GALNT13: variants seen among roughly 807,000 people sequenced by gnomAD.
The protein encoded by GALNT13 is polypeptide N-acetylgalactosaminyltransferase 13.
Under a neutral mutation model 64.2 loss-of-function variants are expected in GALNT13, and 28 were observed. The observed-to-expected ratio is 0.44, with a 90% CI of 0.32 to 0.60. The LOEUF is 0.60. Among genes scored for constraint, GALNT13 ranks in the 20% least tolerant of loss-of-function variants. The probability of loss-of-function intolerance (pLI) is 0.05; values close to 1 mark genes in which losing one functional copy is unlikely to be tolerated. For missense variants in GALNT13, 577 were observed against 669.8 expected (o/e 0.86, Z 1.53); for synonymous variants, 214 against 224.6 (o/e 0.95, Z 0.42).
chr2:154,388,241 C>A (rs147179829), intron 9 of GALNT13, among the ~76,000 whole-genome samples: 1 of 152,144 alleles, frequency 6.6e-6, no homozygotes, highest in Non-Finnish European at 1.5e-5. Context: ...TGTTCACGAC[C>A]TTTGCCCATT....
intron 4 of GALNT13, among the ~76,000 whole-genome samples, chr2:154,164,108 T>G (rs1451170703): frequency 6.6e-6 from 1 of 152,104 alleles, no homozygotes; most frequent in Non-Finnish European, 1.5e-5. Context: ...AACATTTTAG[T>G]AGGCATCAAT....
chr2:153,376,999 C>G, the GALNT13 span, among the ~76,000 whole-genome samples: 1 of 152,062 alleles, frequency 6.6e-6, no homozygotes, highest in African/African-American at 2.4e-5. Flanking sequence ...TATTAAATTT[C>G]CAGTCCATAG....
chr2:154,194,745 A>T (rs546725614), intron 4 of GALNT13, among the ~76,000 whole-genome samples: 166 of 152,240 alleles, frequency 1.1e-3, no homozygotes, highest in Middle Eastern at 0.01. Flanking sequence ...GAACTAATTA[A>T]TATCATCATT....
At chr2:153,892,982 A>G (rs1031444709) in intron 1 of GALNT13, among the ~76,000 whole-genome samples, 5 of 152,060 alleles carry the variant, frequency 3.3e-5, no homozygotes, top group African/African-American at 1.2e-4. Flanking sequence ...TTTTTCCCTC[A>G]CAAGATATGA....
At chr2:154,031,681 A>G (rs925731539) in intron 3 of GALNT13, among the ~76,000 whole-genome samples, 12 of 151,978 alleles carry the variant, frequency 7.9e-5, no homozygotes, top group Admixed American at 5.9e-4. Flanking sequence ...CAAAGAAATC[A>G]ATTTTCCAAG....
chr2:153,114,681 G>A, the GALNT13 span, among the ~76,000 whole-genome samples: 6 of 151,988 alleles, frequency 3.9e-5, no homozygotes, highest in Admixed American at 1.3e-4. Flanking sequence ...CCTACCTGGC[G>A]GTGGAAAGAT....
chr2:153,742,063 A>G, the GALNT13 span, among the ~76,000 whole-genome samples: 1 of 152,050 alleles, frequency 6.6e-6, no homozygotes, highest in Non-Finnish European at 1.5e-5. Context: ...TGTGCAATGG[A>G]TTTTAAAAAA....
At chr2:153,872,629 G>GAA (rs1226886344) in intron 1 of GALNT13, among the ~76,000 whole-genome samples, 1 of 65,384 alleles carries the variant, frequency 1.5e-5, no homozygotes. Context: ...CGGGGGGGGG[G>GAA]GGGGGAGCGG....
At position 154,262,647 on chromosome 2, in the gene GALNT13, A is replaced by G. The variant is rs115571907; in HGVS notation, c.975+3509A>G. 5.3e-3 allele frequency among the ~76,000 whole-genome samples: 801 copies of G among 152,322 alleles called. 7 individuals are homozygous for G. Among genetic ancestry groups the G allele is most frequent in the Middle Eastern group, 0.024 (7 of 294 alleles). On this transcript the variant is annotated intron_variant, in intron 8 of 12. Transcript: ENST00000392825. ...AGACAGTGTTATGTATCTGCTGGGG[A>G]TACAGTAATGAACAGAACAGACAAA...
the GALNT13 span, among the ~76,000 whole-genome samples, chr2:153,641,948 A>G: frequency 1.3e-5 from 2 of 151,996 alleles, no homozygotes; most frequent in Non-Finnish European, 2.9e-5. Flanking sequence ...AAATTATTCT[A>G]TTTAATAACA....
chr2:153,734,318 G>C, the GALNT13 span, among the ~76,000 whole-genome samples: 3 of 152,064 alleles, frequency 2.0e-5, no homozygotes, highest in East Asian at 5.8e-4. Context: ...GTATTTACTA[G>C]GTAAATCATA....
At chr2:153,567,452 G>A in the GALNT13 span, among the ~76,000 whole-genome samples, 1 of 152,218 alleles carries the variant, frequency 6.6e-6, no homozygotes, top group Non-Finnish European at 1.5e-5. Context: ...ACAAAGGCCT[G>A]GTGAGGAGTG....
At chr2:154,015,513 T>A (rs571454977) in intron 3 of GALNT13, among the ~76,000 whole-genome samples, 191 of 152,316 alleles carry the variant, frequency 1.3e-3, no homozygotes, top group African/African-American at 4.5e-3. Context: ...CAGGAGTCTC[T>A]CTGTGGCTTT....
the GALNT13 span, among the ~76,000 whole-genome samples, chr2:153,605,698 T>C: frequency 1.3e-5 from 2 of 152,162 alleles, no homozygotes; most frequent in Admixed American, 6.6e-5. Context: ...TCTACTGCTG[T>C]ATAAAAATAA....
chr2:153,275,846 AG>A, the GALNT13 span, among the ~76,000 whole-genome samples: 1 of 152,192 alleles, frequency 6.6e-6, no homozygotes, highest in Non-Finnish European at 1.5e-5. Flanking sequence ...AGAAAAAAAA[AG>A]TTGATTGATC....
chr2:154,014,577 G>T (rs1324198524), intron 3 of GALNT13, among the ~76,000 whole-genome samples: 8 of 136,796 alleles, frequency 5.8e-5, no homozygotes, highest in Admixed American at 1.5e-4. Flanking sequence ...TCTTTCCTCT[G>T]TTTTTTTTTG....
the GALNT13 span, among the ~76,000 whole-genome samples, chr2:153,496,394 G>A: frequency 6.6e-6 from 1 of 152,042 alleles, no homozygotes; most frequent in South Asian, 2.1e-4. Context: ...CTTTTTGTTT[G>A]TTTCAGCTAA....
the GALNT13 span, among the ~76,000 whole-genome samples, chr2:153,730,886 G>T: frequency 2.0e-5 from 3 of 151,772 alleles, no homozygotes; most frequent in Non-Finnish European, 1.5e-5. Context: ...AAAGTCAAAA[G>T]ACAACAGATG....
At chr2:153,766,569 T>A in the GALNT13 span, among the ~76,000 whole-genome samples, 1 of 152,156 alleles carries the variant, frequency 6.6e-6, no homozygotes. Flanking sequence ...CTTGGCTTAT[T>A]TTACTGGTTA....
Sources: allele counts gnomAD v4.1 joint callset (sites outside exome capture counted in the v4.1 genomes callset), GRCh38; gene constraint gnomAD v4.1.1; transcripts MANE v1.5; gene names NCBI Gene and HGNC (gene_info 2026-07-23, HGNC 2026-07-21).